ZC3H8: variants seen among roughly 807,000 people sequenced by gnomAD.
ZC3H8 encodes zinc finger CCCH domain-containing protein 8.
A neutral mutation model predicts 42.5 loss-of-function variants in ZC3H8; 27 were observed. The observed-to-expected ratio is 0.64, with a 90% CI of 0.47 to 0.88. The LOEUF (loss-of-function observed/expected upper bound fraction) is 0.88. Ranked by LOEUF, ZC3H8 falls within the 40% of genes least tolerant of loss-of-function variation. ZC3H8 has a pLI of 0.00. For synonymous variants in ZC3H8, 101 were observed against 110.1 expected (o/e 0.92, Z 0.52); for missense variants, 277 against 336.1 (o/e 0.82, Z 1.37).
intron 8 of ZC3H8, 108 bp downstream of exon 8, chr2:112,230,795 G>C: frequency 1.6e-6 from 1 of 636,462 alleles, no homozygotes; most frequent in Non-Finnish European, 2.3e-6. Flanking sequence ...TTTTAGTGGC[G>C]GAGGAAGAAG....
intron 1 of ZC3H8, chr2:112,254,108 C>G (rs966756963): frequency 2.0e-6 from 2 of 984,556 alleles, no homozygotes; most frequent in African/African-American, 3.5e-5. Context: ...AGGTAAAGCT[C>G]TGGATGATCA....
At chr2:112,246,290 C>T (rs539182791) in intron 2 of ZC3H8, among the ~76,000 whole-genome samples, 6 of 152,262 alleles carry the variant, frequency 3.9e-5, no homozygotes, top group Middle Eastern at 3.4e-3. Flanking sequence ...TTATGGATCA[C>T]GGAATAATTG....
intron 2 of ZC3H8, among the ~76,000 whole-genome samples, chr2:112,240,732 T>C (rs949732195): frequency 2.6e-5 from 4 of 152,250 alleles, no homozygotes; most frequent in East Asian, 1.9e-4. Flanking sequence ...TCAGAGGGCA[T>C]TGAAATATAT....
At position 112,250,185 on chromosome 2, in the gene ZC3H8, T is replaced by G. The variant is rs770992804; in HGVS notation, c.156+6A>C. ...TCAACTTAAACAGTGGTCAACTTAA[T>G]CTTACTTTTTTGGGAATTTGCTCGC... is the stretch of plus-strand genomic sequence containing the variant. On this transcript the variant is annotated splice_donor_region_variant and intron_variant, in intron 2 of 8. Transcript: ENST00000409573. 5 of 1,561,680 alleles carry G rather than the reference T, an allele frequency of 3.2e-6. No individual in the cohort carries two copies. The East Asian group carries it at 9.2e-5, about 29-fold the overall frequency.
intron 2 of ZC3H8, among the ~76,000 whole-genome samples, chr2:112,242,363 G>A (rs1685614306): frequency 6.6e-6 from 1 of 152,092 alleles, no homozygotes; most frequent in Non-Finnish European, 1.5e-5. Context: ...TTGGAACATA[G>A]GCATACTCAT....
intron 8 of ZC3H8, among the ~76,000 whole-genome samples, chr2:112,221,188 T>A (rs1311840644): frequency 6.6e-6 from 1 of 152,204 alleles, no homozygotes; most frequent in Non-Finnish European, 1.5e-5. Context: ...TGCTCAAATC[T>A]ATGTTGAATT....
chr2:112,252,871 C>T (rs139820071), intron 1 of ZC3H8, among the ~76,000 whole-genome samples: 1 of 152,334 alleles, frequency 6.6e-6, no homozygotes, highest in African/African-American at 2.4e-5. Context: ...CAGCCGGGCG[C>T]GGTGGCTCAC....
At chr2:112,238,619 G>T in intron 2 of ZC3H8, 91 bp from the exon 3 acceptor site, 1 of 1,065,498 alleles carries the variant, frequency 9.4e-7, no homozygotes, top group Non-Finnish European at 1.3e-6. Context: ...CTATAAACTG[G>T]TCATTGTTGA....
At position 112,212,272 on chromosome 2, in the gene ZC3H8, A is replaced by C. The variant is rs1458147229; in HGVS notation, c.*4212T>G. The C allele has an allele frequency of 6.6e-6, 1 of 152,248 alleles. No homozygotes were observed. The highest frequency in any genetic ancestry group is 1.5e-5 in the Non-Finnish European group (1 of 68,040). 9.4% of individuals were successfully genotyped at this position (152,248 alleles called of 1,614,324 possible). On this transcript the variant is annotated 3_prime_UTR_variant, in exon 9 of 9. Coordinates refer to ENST00000409573, the MANE Select transcript of ZC3H8 (RefSeq NM_032494.3). ...CCCTCAAAACCCAATCATCTCCCAA[A>C]GGCCCTACCTCCTAACAGTTAGTCC...
rs1015191780 is a variant in ZC3H8 at position 112,215,324 on chromosome 2, A to G, written c.*1160T>C. The stretch of plus-strand genomic sequence containing the variant: ...AGCGAACCAATCAACCTGGGCAGAC[A>G]GCAAAAGGGCACTGAGAGATGACTT... On this transcript the variant is annotated 3_prime_UTR_variant, in exon 9 of 9. Coordinates refer to ENST00000409573, the MANE Select transcript of ZC3H8 (RefSeq NM_032494.3). 1 of 152,242 alleles carries G rather than the reference A, an allele frequency of 6.6e-6. No homozygotes were observed. The highest frequency in any genetic ancestry group is 1.5e-5 in the Non-Finnish European group (1 of 68,060). 9.4% of individuals were successfully genotyped at this position (152,242 alleles called of 1,614,324 possible).
At chr2:112,240,342 C>T (rs528763543) in intron 2 of ZC3H8, 3 of 152,214 alleles carry the variant, frequency 2.0e-5, no homozygotes, top group East Asian at 1.9e-4. Flanking sequence ...AAAGGTTGGC[C>T]GACTCCTGTG....
chr2:112,236,495 TG>T, intron 4 of ZC3H8, 66 bp downstream of exon 4: 8 of 1,572,820 alleles, frequency 5.1e-6, no homozygotes, highest in Non-Finnish European at 6.9e-6. Context: ...TTCTTGTCAC[TG>T]AAGTATAAGA....
Position 112,215,717 on chromosome 2 carries a change from T to C in ZC3H8, c.*767A>G, listed in dbSNP as rs1043573970. 3 of 152,206 alleles carry C rather than the reference T, an allele frequency of 2.0e-5. No homozygotes were observed. The highest frequency in any genetic ancestry group is 4.8e-5 in the African/African-American group (2 of 41,452). 9.4% of individuals were successfully genotyped at this position (152,206 alleles called of 1,614,324 possible). A position where few individuals can be genotyped will look rare whatever the true frequency, so the allele number is the denominator to read the frequency against. On this transcript the variant is annotated 3_prime_UTR_variant, in exon 9 of 9. Transcript: ENST00000409573. ...TCATTATTATTTGTACTTGGAACATTAGTATTTGAATCTTGTGTTAATGAT... is the reference window on the plus strand; with the variant it reads ...TCATTATTATTTGTACTTGGAACATCAGTATTTGAATCTTGTGTTAATGAT...
At chr2:112,218,236 T>A (rs1382232296) in intron 8 of ZC3H8, among the ~76,000 whole-genome samples, 1 of 152,228 alleles carries the variant, frequency 6.6e-6, no homozygotes, top group Non-Finnish European at 1.5e-5. Flanking sequence ...CATTAATAAT[T>A]GTTACTGCTT....
intron 2 of ZC3H8, among the ~76,000 whole-genome samples, chr2:112,246,105 A>G (rs181745610): frequency 1.3e-5 from 2 of 152,324 alleles, no homozygotes; most frequent in African/African-American, 2.4e-5. Flanking sequence ...AGATGGCAGT[A>G]TATCTGTTTA....
At chr2:112,217,922 GTGTTTTTGTTTT>G (rs376154053) in intron 8 of ZC3H8, among the ~76,000 whole-genome samples, 36 of 152,144 alleles carry the variant, frequency 2.4e-4, no homozygotes, top group African/African-American at 7.5e-4. Flanking sequence ...CTGGTTTCTT[GTGTTTTTGTTTT>G]TGTTTTTGTT....
At chr2:112,220,907 T>TG (rs924441333) in intron 8 of ZC3H8, among the ~76,000 whole-genome samples, 51 of 152,228 alleles carry the variant, frequency 3.4e-4, no homozygotes, top group African/African-American at 1.2e-3. Context: ...ATTTTGACCT[T>TG]GGAGAATCTG....
In ZC3H8 at chr2:112,229,810, A is replaced by G. The variant is rs147949595; in HGVS notation, c.*15+1093T>C. ...ATAAACGTATACAGCAAAGCTCCAA[A>G]ACTTAAAAAAAAAGTTAAATTACTT... On this transcript the variant is annotated intron_variant, in intron 8 of 8. Coordinates refer to ENST00000409573, the MANE Select transcript of ZC3H8 (RefSeq NM_032494.3). Among the ~76,000 whole-genome samples, 116 of 152,320 alleles carry G rather than the reference A, an allele frequency of 7.6e-4. 4 individuals carry two copies. The East Asian group carries it at 0.017, about 22-fold the overall frequency.
intron 1 of ZC3H8, chr2:112,253,926 T>C (rs1344060677): frequency 6.1e-6 from 1 of 163,980 alleles, no homozygotes; most frequent in Non-Finnish European, 1.3e-5. Context: ...CATGAGAAGC[T>C]TGGTGATAAA....
Sources: gnomAD v4.1 joint callset for allele counts (sites outside exome capture counted in the v4.1 genomes callset) on GRCh38, gnomAD v4.1.1 for gene constraint, MANE v1.5 for transcripts, NCBI Gene and HGNC (gene_info 2026-07-23, HGNC 2026-07-21) for gene names.